SEMA6A: variants seen among roughly 807,000 people sequenced by gnomAD.
The protein encoded by SEMA6A is semaphorin-6A.
In SEMA6A, 25 loss-of-function variants were observed where a neutral mutation model predicts 96.8. That is an observed-to-expected ratio of 0.26 (90% CI 0.19 to 0.36). The LOEUF (loss-of-function observed/expected upper bound fraction) is 0.36. Among genes scored for constraint, SEMA6A ranks in the 10% least tolerant of loss-of-function variants. The pLI, the probability that SEMA6A is intolerant of heterozygous loss-of-function variation, is 1.00. For synonymous variants in SEMA6A, 612 were observed against 518.0 expected (o/e 1.18, Z -2.46); for missense variants, 1,363 against 1,323.1 (o/e 1.03, Z -0.47).
intron 1 of SEMA6A, among the ~76,000 whole-genome samples, chr5:116,519,700 CAT>C (rs1306260222): frequency 2.6e-5 from 4 of 151,948 alleles, no homozygotes; most frequent in Non-Finnish European, 5.9e-5. Flanking sequence ...CACGCACACA[CAT>C]ACATTATACA....
At chr5:116,505,196 A>G (rs1430045328) in intron 1 of SEMA6A, among the ~76,000 whole-genome samples, 2 of 152,160 alleles carry the variant, frequency 1.3e-5, no homozygotes, top group Non-Finnish European at 2.9e-5. Flanking sequence ...AAGTTTCTCC[A>G]ATATGGAACA....
intron 3 of SEMA6A, chr5:116,498,599 G>T (rs1023381479): frequency 2.6e-5 from 4 of 151,382 alleles, no homozygotes; most frequent in African/African-American, 9.7e-5. Flanking sequence ...GTGGAAGGGC[G>T]TGGTAAGGGG....
At chr5:116,448,196 A>AAAAAAAAAAAAAAAAAAAAAT (rs780426357) in intron 18 of SEMA6A, among the ~76,000 whole-genome samples, 7 of 138,700 alleles carry the variant, frequency 5.0e-5, no homozygotes, top group African/African-American at 2.0e-4. Context: ...AAAAAAAAAA[A>AAAAAAAAAAAAAAAAAAAAAT]TTAGCCAGGC....
intron 10 of SEMA6A, among the ~76,000 whole-genome samples, chr5:116,483,927 GA>G: frequency 6.6e-6 from 1 of 152,040 alleles, no homozygotes; most frequent in South Asian, 2.1e-4. Context: ...AGCCAGGCAT[GA>G]TGGTGGGCAC....
chr5:116,532,759 G>GA lies in SEMA6A; in HGVS notation c.-38-27778dup, dbSNP rs946184185. Among the ~76,000 whole-genome samples, 13 of 147,894 alleles carry GA rather than the reference G, an allele frequency of 8.8e-5. No individual in the cohort carries two copies. In the East Asian group the frequency reaches 1.2e-3, roughly 13 times the overall value. Reference sequence around the variant, plus strand: ...GTAAAGACTTATCGGTACTGGAAAAGAAAAAAAAAAGTCCTCTGTATGTCA... The same window carrying GA: ...GTAAAGACTTATCGGTACTGGAAAAGAAAAAAAAAAAGTCCTCTGTATGTCA... On this transcript the variant is annotated intron_variant, in intron 1 of 18. Coordinates refer to ENST00000343348, the MANE Select transcript of SEMA6A (RefSeq NM_020796.5).
At chr5:116,506,221 G>T (rs562792735) in intron 1 of SEMA6A, among the ~76,000 whole-genome samples, 1 of 152,294 alleles carries the variant, frequency 6.6e-6, no homozygotes, top group Admixed American at 6.5e-5. Flanking sequence ...GTATTAATCA[G>T]TCCCAAGTGT....
At chr5:116,511,511 A>G (rs1408037608) in intron 1 of SEMA6A, among the ~76,000 whole-genome samples, 1 of 152,216 alleles carries the variant, frequency 6.6e-6, no homozygotes, top group Non-Finnish European at 1.5e-5. Context: ...AACAGAAGAA[A>G]GGTTGGAAAG....
intron 1 of SEMA6A, among the ~76,000 whole-genome samples, chr5:116,510,138 C>T (rs1456959517): frequency 6.6e-6 from 1 of 152,104 alleles, no homozygotes; most frequent in Non-Finnish European, 1.5e-5. Context: ...AAAGAAATCC[C>T]AGCATGCTAT....
chr5:116,571,781 G>A (rs1761225933), intron 1 of SEMA6A, among the ~76,000 whole-genome samples: 2 of 152,178 alleles, frequency 1.3e-5, no homozygotes, highest in Admixed American at 6.5e-5. Flanking sequence ...AAAGCTTACT[G>A]TAAATCATAA....
intron 1 of SEMA6A, among the ~76,000 whole-genome samples, chr5:116,516,708 C>T (rs1177780378): frequency 1.3e-5 from 2 of 152,162 alleles, no homozygotes; most frequent in Admixed American, 6.5e-5. Context: ...ATAAAATGTT[C>T]ATTTGCTTTT....
At chr5:116,494,939 C>CG (rs200858451) in intron 6 of SEMA6A, among the ~76,000 whole-genome samples, 3 of 122,870 alleles carry the variant, frequency 2.4e-5, no homozygotes, top group Non-Finnish European at 3.7e-5. Context: ...TAAGCAAGGC[C>CG]GTGGTCAAGA....
intron 1 of SEMA6A, chr5:116,562,735 G>A: frequency 2.7e-6 from 2 of 733,604 alleles, no homozygotes; most frequent in Non-Finnish European, 5.1e-6. Context: ...TGACTGGTGG[G>A]ATGAAGGTGA....
chr5:116,510,115 A>C (rs918425), intron 1 of SEMA6A, among the ~76,000 whole-genome samples: 57,184 of 151,908 alleles, frequency 0.38, 12,730 homozygotes, highest in African/African-American at 0.62. Flanking sequence ...TGAAAAGTTC[A>C]TCAAGCGAGA....
At chr5:116,471,109 A>G (rs1188481250) in intron 17 of SEMA6A, 2 of 152,214 alleles carry the variant, frequency 1.3e-5, no homozygotes, top group Admixed American at 6.5e-5. Context: ...TCAATTAATC[A>G]TCTAACTGCT....
chr5:116,544,179 T>G (rs1255623671), intron 1 of SEMA6A, among the ~76,000 whole-genome samples: 1 of 152,202 alleles, frequency 6.6e-6, no homozygotes, highest in African/African-American at 2.4e-5. Context: ...TGATCCACTT[T>G]CCTAAGGCTG....
At chr5:116,516,174 G>C (rs781610695) in intron 1 of SEMA6A, among the ~76,000 whole-genome samples, 2 of 152,104 alleles carry the variant, frequency 1.3e-5, no homozygotes, top group Non-Finnish European at 2.9e-5. Flanking sequence ...ACAAGCTTCT[G>C]ATTATACAAA....
rs778255851 is a variant in SEMA6A at position 116,467,622 on chromosome 5, A to T, written c.1855T>A (p.Leu619Met). The T allele has an allele frequency of 6.2e-7, 1 of 1,613,168 alleles. No individual in the cohort carries two copies. Among genetic ancestry groups the T allele is most frequent in the African/African-American group, 1.3e-5 (1 of 74,736 alleles). The change falls in exon 18 of 19, where the codon TTG becomes ATG. Residue 619 changes from leucine to methionine, a missense_variant. Physicochemically the swap from Leu to Met is conservative, Grantham distance 15. Transcript: ENST00000343348. The part of the protein sequence containing the change: ...LLDSPDSTDP[L>M]GAVSSHNHQD... ...TGATTATGGGAAGACACTGCCCCCA[A>T]AGGGTCTGTGCTGTCAGGTGAGTCA...
At chr5:116,496,103 TAAAG>T in intron 5 of SEMA6A, 144 bp downstream of exon 5, 1 of 666,172 alleles carries the variant, frequency 1.5e-6, no homozygotes, top group South Asian at 1.9e-5. Flanking sequence ...TTTTGCAAAT[TAAAG>T]CCTTCAGTAA....
chr5:116,568,152 C>T (rs1406250959), intron 1 of SEMA6A, among the ~76,000 whole-genome samples: 1 of 152,150 alleles, frequency 6.6e-6, no homozygotes, highest in Non-Finnish European at 1.5e-5. Flanking sequence ...CTGTTATATC[C>T]AGGGTCCAGA....
Sources: allele counts gnomAD v4.1 joint callset (sites outside exome capture counted in the v4.1 genomes callset), GRCh38; gene constraint gnomAD v4.1.1; transcripts MANE v1.5; gene names NCBI Gene and HGNC (gene_info 2026-07-23, HGNC 2026-07-21).